The following TASP1 variants were observed in gnomAD, a reference collection of about 807,000 sequenced individuals.
TASP1 encodes the protein taspase 1.
A neutral mutation model predicts 56.6 loss-of-function variants in TASP1; 16 were observed. That is an observed-to-expected ratio of 0.28 (90% CI 0.19 to 0.43). TASP1 has a LOEUF of 0.43. Among genes scored for constraint, TASP1 ranks in the 20% least tolerant of loss-of-function variants. The pLI is 1.00. For synonymous variants in TASP1, 179 were observed against 184.2 expected, an observed-to-expected ratio of 0.97 and a Z score of 0.23; for missense variants, 393 against 511.6, an observed-to-expected ratio of 0.77 and a Z score of 2.24.
the TASP1 span, among the ~76,000 whole-genome samples, chr20:13,204,528 C>CATATATATATATATAT: frequency 5.8e-3 from 839 of 145,258 alleles, 8 homozygotes; most frequent in African/African-American, 0.019. Context: ...TTTATATATT[C>CATATATATATATATAT]ATATATATAT....
the TASP1 span, among the ~76,000 whole-genome samples, chr20:13,344,028 G>C: frequency 1.5e-3 from 234 of 152,126 alleles, no homozygotes; most frequent in Admixed American, 2.2e-3. Context: ...GCTTGTGGAT[G>C]TCCTACCTTC....
the TASP1 span, among the ~76,000 whole-genome samples, chr20:13,133,452 G>A: frequency 3.3e-5 from 5 of 152,218 alleles, no homozygotes; most frequent in African/African-American, 1.2e-4. Context: ...CTCCATAACA[G>A]GTCGGGCATG....
At chr20:13,388,635 C>T (rs1359353299), downstream of TASP1, among the ~76,000 whole-genome samples, 1 of 152,144 alleles carries the variant, frequency 6.6e-6, no homozygotes, top group African/African-American at 2.4e-5. Flanking sequence ...TGATCCAATC[C>T]AGTTCCTGAA....
chr20:13,411,156 G>C (rs1394725202), intron 13 of TASP1, among the ~76,000 whole-genome samples: 1 of 152,088 alleles, frequency 6.6e-6, no homozygotes, highest in Non-Finnish European at 1.5e-5. Flanking sequence ...TGGATTTCTG[G>C]ATTCTCTACT....
At chr20:13,515,565 A>C (rs80315355) in intron 10 of TASP1, among the ~76,000 whole-genome samples, 29,586 of 150,688 alleles carry the variant, frequency 0.2, 3,175 homozygotes, top group Middle Eastern at 0.27. Context: ...AAAAAAAAAA[A>C]AAAAAACTTG....
the TASP1 span, chr20:13,110,287 A>AG: frequency 3.1e-6 from 4 of 1,275,116 alleles, no homozygotes; most frequent in Non-Finnish European, 4.5e-6. Flanking sequence ...GGAAAGGCTC[A>AG]CCTTTCCTAG....
the TASP1 span, among the ~76,000 whole-genome samples, chr20:13,112,877 A>G: frequency 6.6e-6 from 1 of 152,174 alleles, no homozygotes; most frequent in Non-Finnish European, 1.5e-5. Context: ...CTAATTTGCA[A>G]CTATCACCAG....
intron 4 of TASP1, among the ~76,000 whole-genome samples, chr20:13,622,748 C>G (rs2048760020): frequency 6.6e-6 from 1 of 152,116 alleles, no homozygotes; most frequent in South Asian, 2.1e-4. Flanking sequence ...GTAGTATTCT[C>G]AACCAGAAAA....
At chr20:13,615,497 A>ATCTGGTT (rs1258363836) in intron 4 of TASP1, among the ~76,000 whole-genome samples, 1 of 149,170 alleles carries the variant, frequency 6.7e-6, no homozygotes, top group Non-Finnish European at 1.5e-5. Context: ...CTTGATGAGA[A>ATCTGGTT]TCTGGTTTTT....
intron 10 of TASP1, among the ~76,000 whole-genome samples, chr20:13,489,691 A>T (rs2043453915): frequency 1.3e-5 from 2 of 152,164 alleles, no homozygotes; most frequent in Admixed American, 1.3e-4. Flanking sequence ...GTTTAAATTT[A>T]AAAACCTGCC....
At chr20:13,444,091 G>C (rs897489866) in intron 11 of TASP1, among the ~76,000 whole-genome samples, 2 of 152,160 alleles carry the variant, frequency 1.3e-5, no homozygotes, top group Non-Finnish European at 2.9e-5. Flanking sequence ...CACTGGACTA[G>C]TAGTCTCTGA....
chr20:13,372,143 GT>G, the TASP1 span, among the ~76,000 whole-genome samples: 1 of 152,304 alleles, frequency 6.6e-6, no homozygotes, highest in Non-Finnish European at 1.5e-5. Context: ...ACTCACATCT[GT>G]GATGATTAAT....
At chr20:13,515,022 G>C (rs1049092135) in intron 10 of TASP1, among the ~76,000 whole-genome samples, 1 of 152,112 alleles carries the variant, frequency 6.6e-6, no homozygotes, top group Non-Finnish European at 1.5e-5. Context: ...AACAGAGCTA[G>C]TTAAAATAAA....
At position 13,557,572 on chromosome 20, in the gene TASP1, GTTT is replaced by G. The variant is rs972801507; in HGVS notation, c.675+1433_675+1435del. Among the ~76,000 whole-genome samples the G allele has an allele frequency of 8.0e-5, 8 of 99,762 alleles. No homozygotes were observed. In the East Asian group the frequency reaches 8.8e-4, roughly 11 times the overall value. The allele number at this position is 99,762 out of a possible 152,430, so 65.4% of individuals were successfully genotyped here. On this transcript the variant is annotated intron_variant, in intron 8 of 13. Transcript: ENST00000337743. ...TGCAAATTTTATTACGATGTTTTTGGTTTTTTTTTTTTTTTTTTTTTTTTTTGA... is the reference window on the plus strand; with the variant it reads ...TGCAAATTTTATTACGATGTTTTTGGTTTTTTTTTTTTTTTTTTTTTTTGA...
At chr20:13,294,500 A>G in the TASP1 span, among the ~76,000 whole-genome samples, 1 of 152,218 alleles carries the variant, frequency 6.6e-6, no homozygotes, top group Non-Finnish European at 1.5e-5. Context: ...GGCAGCATCT[A>G]GCTGCTTTGC....
chr20:13,525,882 G>A lies in TASP1; in HGVS notation c.874+2551C>T, dbSNP rs979581599. On this transcript the variant is annotated intron_variant, in intron 10 of 13. Coordinates refer to ENST00000337743, the MANE Select transcript of TASP1 (RefSeq NM_017714.3). Reference sequence around the variant, plus strand: ...GATGATGGTTAGTCTTTTAGCTTGCGAAGAGTATAACATGACAAGTTGGGT... The same window carrying A: ...GATGATGGTTAGTCTTTTAGCTTGCAAAGAGTATAACATGACAAGTTGGGT... Among the ~76,000 whole-genome samples the A allele has an allele frequency of 1.2e-4, 19 of 152,234 alleles. 1 individual carries two copies. The highest frequency in any genetic ancestry group is 3.6e-4 in the African/African-American group (15 of 41,556).
At chr20:13,482,336 A>G (rs1320150842) in intron 11 of TASP1, among the ~76,000 whole-genome samples, 1 of 152,178 alleles carries the variant, frequency 6.6e-6, no homozygotes, top group East Asian at 1.9e-4. Context: ...GAAGTTATAT[A>G]ATGTGATTCC....
chr20:13,362,312 G>T, the TASP1 span, among the ~76,000 whole-genome samples: 136 of 152,062 alleles, frequency 8.9e-4, no homozygotes, highest in Non-Finnish European at 1.3e-3. Context: ...ATGGCCTGAA[G>T]TAACTGAAGA....
the TASP1 span, among the ~76,000 whole-genome samples, chr20:13,380,146 A>G: frequency 2.6e-5 from 4 of 152,188 alleles, no homozygotes; most frequent in African/African-American, 9.7e-5. Flanking sequence ...TGGGAGGAGA[A>G]GAGGCATTCT....
Sources: gnomAD v4.1 joint callset for allele counts (sites outside exome capture counted in the v4.1 genomes callset) on GRCh38, gnomAD v4.1.1 for gene constraint, MANE v1.5 for transcripts, NCBI Gene and HGNC (gene_info 2026-07-23, HGNC 2026-07-21) for gene names.